LIN28B: variants seen among roughly 807,000 people sequenced by gnomAD.
The protein encoded by LIN28B is lin-28 RNA binding posttranscriptional regulator B.
Under a neutral mutation model 21.9 loss-of-function variants are expected in LIN28B, and 5 were observed. The observed-to-expected ratio is 0.23, with a 90% CI of 0.12 to 0.48. LIN28B has a LOEUF of 0.48. LIN28B is among the 20% of genes least tolerant of loss of function. The pLI is 0.98. For synonymous variants in LIN28B, 109 were observed against 111.3 expected, an observed-to-expected ratio of 0.98 and a Z score of 0.13; for missense variants, 245 against 310.5, an observed-to-expected ratio of 0.79 and a Z score of 1.58.
At chr6:105,078,359 G>A in intron 3 of LIN28B, 55 bp from the exon 4 acceptor site, 2 of 1,506,090 alleles carry the variant, frequency 1.3e-6, no homozygotes, top group East Asian at 2.3e-5. Flanking sequence ...TTTAAAATGT[G>A]TTTTTGGATA....
At chr6:105,032,298 A>AT (rs1443463280) in intron 3 of LIN28B, among the ~76,000 whole-genome samples, 1 of 152,158 alleles carries the variant, frequency 6.6e-6, no homozygotes, top group Non-Finnish European at 1.5e-5. Flanking sequence ...ATAAGGTCAT[A>AT]TATGTATGTT....
intron 3 of LIN28B, among the ~76,000 whole-genome samples, chr6:105,035,370 G>C (rs1422028172): frequency 2.0e-5 from 3 of 152,090 alleles, no homozygotes; most frequent in Non-Finnish European, 4.4e-5. Flanking sequence ...TTGCTGTTTA[G>C]TAGGTTCCTA....
In LIN28B at chr6:104,957,277, A is replaced by G. The variant is rs573587063; in HGVS notation, c.10+17A>G. 16 of 1,575,942 alleles carry G rather than the reference A, an allele frequency of 1.0e-5. No homozygotes were observed. Among genetic ancestry groups the G allele is most frequent in the African/African-American group, 6.8e-5 (5 of 73,978 alleles). ...TGGCCGAAGGTTAATTTTCTTTTCT[A>G]TTGTTTTACTGTGAATTTCTTTCTT... On this transcript the variant is annotated intron_variant, in intron 1 of 3. Transcript: ENST00000345080.
intron 2 of LIN28B, among the ~76,000 whole-genome samples, chr6:104,990,528 ATTAT>A (rs1182465420): frequency 1.3e-5 from 2 of 150,458 alleles, no homozygotes; most frequent in Admixed American, 6.6e-5. Context: ...ATTAGTCTTC[ATTAT>A]TTATTTTGAA....
chr6:104,950,403 A>G, intron 2 of LIN28B: 1 of 905,528 alleles, frequency 1.1e-6, no homozygotes, highest in Non-Finnish European at 1.4e-6. Context: ...ATTAGGATGA[A>G]GAAGAGGCAA....
intron 2 of LIN28B, among the ~76,000 whole-genome samples, chr6:104,984,425 G>A (rs1354592987): frequency 2.6e-5 from 4 of 151,876 alleles, no homozygotes; most frequent in Non-Finnish European, 5.9e-5. Flanking sequence ...AACTATGCTT[G>A]CAGTTGATGA....
intron 3 of LIN28B, among the ~76,000 whole-genome samples, chr6:105,043,846 C>T (rs192236349): frequency 6.6e-6 from 1 of 152,238 alleles, no homozygotes; most frequent in Admixed American, 6.5e-5. Context: ...AGCGATCTGC[C>T]TCCTCAGCCT....
At position 105,070,592 on chromosome 6, in the gene LIN28B, C is replaced by CCACACACACACACACACACACACACACA. The variant is rs752057191; in HGVS notation, c.384-7800_384-7773dup. ...CAAAACTCTATCTCTATCAATAAAA[C>CCACACACACACACACACACACACACACA]CACACACACACACACACACACACAC... On this transcript the variant is annotated intron_variant, in intron 3 of 3. Coordinates refer to ENST00000345080, the MANE Select transcript of LIN28B (RefSeq NM_001004317.4). Among the ~76,000 whole-genome samples the CCACACACACACACACACACACACACACA allele has an allele frequency of 2.2e-3, 203 of 92,220 alleles. 9 individuals are homozygous for CCACACACACACACACACACACACACACA. The highest frequency in any genetic ancestry group is 3.0e-3 in the South Asian group (6 of 2,026). The allele number at this position is 92,220 out of a possible 152,430, so 60.5% of individuals were successfully genotyped here.
chr6:104,992,815 A>G (rs867617379), intron 2 of LIN28B, among the ~76,000 whole-genome samples: 6 of 152,052 alleles, frequency 3.9e-5, no homozygotes, highest in African/African-American at 9.7e-5. Flanking sequence ...TGGCCTGATC[A>G]AGTATTTTTT....
At chr6:104,997,633 A>G (rs2083491073) in intron 2 of LIN28B, among the ~76,000 whole-genome samples, 1 of 151,286 alleles carries the variant, frequency 6.6e-6, no homozygotes, top group Non-Finnish European at 1.5e-5. Flanking sequence ...AAATGTTTTC[A>G]GGTTGAGAGG....
intron 3 of LIN28B, among the ~76,000 whole-genome samples, chr6:105,046,428 C>T (rs946783815): frequency 2.0e-5 from 3 of 152,106 alleles, no homozygotes; most frequent in African/African-American, 2.4e-5. Context: ...GATGGACATT[C>T]GGGTTGGTTC....
intron 2 of LIN28B, among the ~76,000 whole-genome samples, chr6:104,963,023 A>G (rs1769781271): frequency 6.6e-6 from 1 of 152,150 alleles, no homozygotes; most frequent in Non-Finnish European, 1.5e-5. Flanking sequence ...CCGTTTAATC[A>G]TAACATCACA....
intron 3 of LIN28B, among the ~76,000 whole-genome samples, chr6:105,050,891 G>C (rs1485565338): frequency 6.6e-6 from 1 of 151,300 alleles, no homozygotes; most frequent in Non-Finnish European, 1.5e-5. Context: ...TATAAAATAT[G>C]TAAGACTGTG....
chr6:104,939,271 A>G (rs1778051645), intron 2 of LIN28B: 1 of 152,272 alleles, frequency 6.6e-6, no homozygotes, highest in Non-Finnish European at 1.5e-5. Flanking sequence ...TAAGAATTGT[A>G]TCTGAAAGAA....
chr6:105,002,976 C>T (rs998428197), intron 2 of LIN28B, among the ~76,000 whole-genome samples: 20 of 152,172 alleles, frequency 1.3e-4, no homozygotes, highest in African/African-American at 4.8e-4. Flanking sequence ...AACCTTGTCC[C>T]AGCTTTGGCA....
intron 2 of LIN28B, among the ~76,000 whole-genome samples, chr6:104,973,291 T>A (rs1770016829): frequency 6.6e-6 from 1 of 152,140 alleles, no homozygotes; most frequent in African/African-American, 2.4e-5. Context: ...TATTCCAAAA[T>A]CTCTTAAAAC....
chr6:105,052,738 CT>C (rs1464637501), intron 3 of LIN28B, among the ~76,000 whole-genome samples: 3 of 152,074 alleles, frequency 2.0e-5, no homozygotes, highest in Admixed American at 2.0e-4. Flanking sequence ...CCAATATTCC[CT>C]TTTTTCATTG....
At chr6:105,042,897 C>T (rs1451826178) in intron 3 of LIN28B, among the ~76,000 whole-genome samples, 1 of 151,992 alleles carries the variant, frequency 6.6e-6, no homozygotes, top group Non-Finnish European at 1.5e-5. Flanking sequence ...AGAGACAAAC[C>T]TCTGATTTAT....
intron 2 of LIN28B, among the ~76,000 whole-genome samples, chr6:105,001,717 TATC>T (rs1770724633): frequency 6.6e-6 from 1 of 152,076 alleles, no homozygotes; most frequent in Admixed American, 6.6e-5. Flanking sequence ...CTAATGAAAA[TATC>T]ATAGAAATGA....
Sources: gnomAD v4.1 joint callset for allele counts (sites outside exome capture counted in the v4.1 genomes callset) on GRCh38, gnomAD v4.1.1 for gene constraint, MANE v1.5 for transcripts, NCBI Gene and HGNC (gene_info 2026-07-23, HGNC 2026-07-21) for gene names.